Variants in PRKCB observed in about 807,000 individuals in gnomAD.
The protein encoded by PRKCB is protein kinase C beta type.
A neutral mutation model predicts 81.5 loss-of-function variants in PRKCB; 13 were observed. That is an observed-to-expected ratio of 0.16 (90% CI 0.10 to 0.25). The LOEUF (loss-of-function observed/expected upper bound fraction) is 0.25, where lower values mean the gene tolerates loss of function less well. PRKCB is among the 10% of genes least tolerant of loss of function. The pLI, the probability that PRKCB is intolerant of heterozygous loss-of-function variation, is 1.00. For synonymous variants in PRKCB, 335 were observed against 321.4 expected (o/e 1.04, Z -0.45); for missense variants, 509 against 875.7 (o/e 0.58, Z 5.29).
At chr16:24,140,717 A>G (rs1966890161) in intron 9 of PRKCB, among the ~76,000 whole-genome samples, 1 of 152,192 alleles carries the variant, frequency 6.6e-6, no homozygotes, top group Non-Finnish European at 1.5e-5. Flanking sequence ...GTTCTACAAC[A>G]GTGATGTTAT....
At position 23,882,009 on chromosome 16, in the gene PRKCB, TCTTTCTTTCTTTCTTCCTTC is replaced by T. The variant is rs1435607950; in HGVS notation, c.205+44607_205+44626del. The stretch of plus-strand genomic sequence containing the variant: ...TTCTTTCTTTCTTTCTTTCTTTCTT[TCTTTCTTTCTTTCTTCCTTC>T]CTTCCTTCCTTCCTTCCTTCCTTCC... On this transcript the variant is annotated intron_variant, in intron 2 of 16. Coordinates refer to ENST00000643927, the MANE Select transcript of PRKCB (RefSeq NM_002738.7). Among the ~76,000 whole-genome samples, 14 of 52,374 alleles carry T rather than the reference TCTTTCTTTCTTTCTTCCTTC, an allele frequency of 2.7e-4. No individual in the cohort carries two copies. In the South Asian group the frequency reaches 4.2e-3, roughly 16 times the overall value. The allele number at this position is 52,374 out of a possible 152,430, so 34.4% of individuals were successfully genotyped here. A position where few individuals can be genotyped will look rare whatever the true frequency, so the allele number is the denominator to read the frequency against.
intron 8 of PRKCB, among the ~76,000 whole-genome samples, chr16:24,117,439 G>A (rs558802407): frequency 6.6e-6 from 1 of 152,282 alleles, no homozygotes; most frequent in Admixed American, 6.5e-5. Context: ...AAATTTATTT[G>A]TATAACAAAG....
chr16:23,991,228 G>A (rs1172851462), intron 3 of PRKCB, among the ~76,000 whole-genome samples: 1 of 152,210 alleles, frequency 6.6e-6, no homozygotes, highest in Non-Finnish European at 1.5e-5. Context: ...CAAAGATGCT[G>A]GAGCATATGT....
At chr16:24,020,262 C>T (rs1285037762) in intron 3 of PRKCB, among the ~76,000 whole-genome samples, 1 of 152,200 alleles carries the variant, frequency 6.6e-6, no homozygotes, top group Admixed American at 6.5e-5. Context: ...AGTTCACACT[C>T]TTAGTTTCAT....
At chr16:24,164,955 G>A (rs980239831) in intron 10 of PRKCB, among the ~76,000 whole-genome samples, 5 of 152,202 alleles carry the variant, frequency 3.3e-5, no homozygotes, top group African/African-American at 4.8e-5. Flanking sequence ...GAGGCAGTAC[G>A]TGAGGTCCAT....
chr16:24,139,681 T>C (rs1381008982), intron 9 of PRKCB, among the ~76,000 whole-genome samples: 4 of 152,260 alleles, frequency 2.6e-5, no homozygotes, highest in Non-Finnish European at 2.9e-5. Context: ...GAAATCTTAA[T>C]GCAACCTGTC....
chr16:24,195,032 C>T (rs777947366), intron 16 of PRKCB, among the ~76,000 whole-genome samples: 12 of 151,982 alleles, frequency 7.9e-5, no homozygotes, highest in Non-Finnish European at 1.3e-4. Flanking sequence ...GGCAAAACCC[C>T]GTCTCTACAA....
intron 7 of PRKCB, among the ~76,000 whole-genome samples, chr16:24,109,316 G>A (rs1401996536): frequency 1.4e-4 from 12 of 85,678 alleles, no homozygotes; most frequent in Admixed American, 2.3e-4. Flanking sequence ...CGGATGGGGT[G>A]GCTGCCGGGC....
intron 10 of PRKCB, among the ~76,000 whole-genome samples, chr16:24,159,663 C>G (rs1967223726): frequency 6.6e-6 from 1 of 152,134 alleles, no homozygotes; most frequent in Non-Finnish European, 1.5e-5. Context: ...CCTACCTGTG[C>G]CTTAACTTCA....
intron 2 of PRKCB, among the ~76,000 whole-genome samples, chr16:23,936,775 T>C (rs1381285960): frequency 6.6e-6 from 1 of 152,056 alleles, no homozygotes; most frequent in Non-Finnish European, 1.5e-5. Context: ...ATTAAACAAG[T>C]CCTGTAGGGA....
intron 2 of PRKCB, among the ~76,000 whole-genome samples, chr16:23,895,051 G>A (rs1338418598): frequency 6.6e-6 from 1 of 152,014 alleles, no homozygotes; most frequent in African/African-American, 2.4e-5. Flanking sequence ...CAATTTCTGG[G>A]CCTGGTGCCT....
chr16:24,177,009 C>T (rs954792056), intron 12 of PRKCB, among the ~76,000 whole-genome samples: 1 of 152,136 alleles, frequency 6.6e-6, no homozygotes, highest in South Asian at 2.1e-4. Flanking sequence ...TGATTTTTCA[C>T]TCTACATGAT....
At position 24,094,302 on chromosome 16, in the gene PRKCB, G is replaced by A. The variant is rs2141901655; in HGVS notation, c.821+5G>A. 6.2e-7 allele frequency: 1 copy of A among 1,613,842 alleles called. No homozygotes were observed. The highest frequency in any genetic ancestry group is 2.2e-5 in the East Asian group (1 of 44,878). On this transcript the variant is annotated splice_donor_5th_base_variant and intron_variant, in intron 7 of 16. Coordinates refer to ENST00000643927, the MANE Select transcript of PRKCB (RefSeq NM_002738.7). ...GAAAGCCAGTGTTGATGGCTGGTAA[G>A]TAAGATTTTGCCTTGAAAGCTACCA... is the stretch of plus-strand genomic sequence containing the variant.
At chr16:23,962,131 C>G (rs1964434472) in intron 2 of PRKCB, among the ~76,000 whole-genome samples, 1 of 152,176 alleles carries the variant, frequency 6.6e-6, no homozygotes, top group Non-Finnish European at 1.5e-5. Context: ...CTGAGTAGGA[C>G]TCTGAAACTC....
At chr16:23,965,849 G>C (rs949920786) in intron 2 of PRKCB, among the ~76,000 whole-genome samples, 4 of 152,210 alleles carry the variant, frequency 2.6e-5, no homozygotes, top group Non-Finnish European at 5.9e-5. Flanking sequence ...CAGCTGCTTT[G>C]TGGCACCCTG....
chr16:24,078,838 C>G (rs1966213545), intron 5 of PRKCB, among the ~76,000 whole-genome samples: 2 of 152,084 alleles, frequency 1.3e-5, no homozygotes, highest in Non-Finnish European at 2.9e-5. Context: ...CCCTGAATGA[C>G]CAGGGAAACC....
At chr16:24,116,059 A>G (rs1567380381) in intron 8 of PRKCB, among the ~76,000 whole-genome samples, 1 of 152,172 alleles carries the variant, frequency 6.6e-6, no homozygotes, top group African/African-American at 2.4e-5. Context: ...CACACGTGGT[A>G]TATTTCAGTA....
intron 2 of PRKCB, among the ~76,000 whole-genome samples, 186 bp downstream of exon 2, chr16:23,837,592 G>C (rs572900659): frequency 1.3e-5 from 2 of 152,272 alleles, no homozygotes; most frequent in East Asian, 1.9e-4. Flanking sequence ...GGCCGATGGC[G>C]CTTGGGAGTC....
chr16:24,204,333 G>A (rs1968010015), intron 16 of PRKCB, among the ~76,000 whole-genome samples: 1 of 152,088 alleles, frequency 6.6e-6, no homozygotes, highest in African/African-American at 2.4e-5. Flanking sequence ...ATGAGGCAAT[G>A]GGATGTAATG....
Sources: allele counts gnomAD v4.1 joint callset (sites outside exome capture counted in the v4.1 genomes callset), GRCh38; gene constraint gnomAD v4.1.1; transcripts MANE v1.5; gene names NCBI Gene and HGNC (gene_info 2026-07-23, HGNC 2026-07-21).